SNX1: variants seen among roughly 807,000 people sequenced by gnomAD.
SNX1 encodes the protein sorting nexin-1.
Under a neutral mutation model 71.8 loss-of-function variants are expected in SNX1, and 36 were observed. That is an observed-to-expected ratio of 0.50 (90% CI 0.38 to 0.66). SNX1 has a LOEUF of 0.66. Ranked by LOEUF, SNX1 falls within the 30% of genes least tolerant of loss-of-function variation. SNX1 has a pLI of 0.00. For synonymous variants in SNX1, 254 were observed against 240.7 expected (o/e 1.06, Z -0.51); for missense variants, 612 against 646.7 (o/e 0.95, Z 0.58).
intron 1 of SNX1, 51 bp downstream of exon 1, chr15:64,096,223 A>G: frequency 6.5e-7 from 1 of 1,530,524 alleles, no homozygotes; most frequent in Non-Finnish European, 8.8e-7. Flanking sequence ...CCGAAAGGGA[A>G]GAGAGGCTAA....
chr15:64,127,787 A>T lies in SNX1; in HGVS notation c.788A>T (p.Glu263Val), dbSNP rs749331073. The change falls in exon 8 of 15, where the codon GAG (glutamate) becomes GTG (valine). Residue 263 changes from glutamate (E) to valine (V), a missense_variant. By Grantham distance (121) the Glu-to-Val change is moderately radical. Transcript: ENST00000559844. ...ATGTTACAGGACCCTGACGTCAGAG[A>T]GTTCTTGGAAAAAGAAGAGGTTAGT... is the stretch of plus-strand genomic sequence containing the variant. ...PTMLQDPDVR[E>V]FLEKEELPRA... The T allele has an allele frequency of 6.2e-7, 1 of 1,613,764 alleles. No homozygotes were observed. The highest frequency in any genetic ancestry group is 8.5e-7 in the Non-Finnish European group (1 of 1,179,664).
rs867424583 is a variant in SNX1 at position 64,140,984 on chromosome 15, G to A, written c.*3366G>A. 1 of 178 alleles carries A rather than the reference G, an allele frequency of 5.6e-3. No homozygotes were observed. Among genetic ancestry groups the A allele is most frequent in the Non-Finnish European group, 0.021 (1 of 48 alleles). 0.0% of individuals were successfully genotyped at this position (178 alleles called of 1,614,324 possible). A position where few individuals can be genotyped will look rare whatever the true frequency, so the allele number is the denominator to read the frequency against. ...CTCTCACCATACAGTGCAAAGAGAT[G>A]ATAGATAGATAGATAGATAGATAGA... On this transcript the variant is annotated 3_prime_UTR_variant, in exon 15 of 15. Coordinates refer to ENST00000559844, the MANE Select transcript of SNX1 (RefSeq NM_003099.5).
chr15:64,136,705 G>T (rs961275388), intron 13 of SNX1, among the ~76,000 whole-genome samples, 156 bp from the exon 14 acceptor site: 6 of 152,080 alleles, frequency 3.9e-5, no homozygotes, highest in Non-Finnish European at 7.4e-5. Context: ...GCCTTTCAAG[G>T]CCTTGGCAGA....
intron 1 of SNX1, among the ~76,000 whole-genome samples, chr15:64,106,713 G>A (rs780478055): frequency 1.3e-5 from 2 of 152,194 alleles, no homozygotes; most frequent in South Asian, 2.1e-4. Flanking sequence ...TGGAAGAGAC[G>A]CAAAGAGATG....
In SNX1 at chr15:64,118,831, G is replaced by T; in HGVS notation, c.443G>T (p.Gly148Val). ...EQEDQFDLTV[G>V]ITDPEKIGDG... Reference sequence around the variant, plus strand: ...GAGGATCAATTTGATTTGACAGTCGGTATAACTGATCCTGAGAAGATAGGT... The same window carrying T: ...GAGGATCAATTTGATTTGACAGTCGTTATAACTGATCCTGAGAAGATAGGT... The change falls in exon 4 of 15, where the codon GGT becomes GTT. Residue 148 changes from glycine to valine, a missense_variant. By Grantham distance (109) the Gly-to-Val change is moderately radical (BLOSUM62 -3). Around this residue, in one of 2 missense-constraint regions of SNX1, gnomAD observed 316 missense variants for 284.9 expected, o/e 1.11. Transcript: ENST00000559844. 6.2e-7 allele frequency: 1 copy of T among 1,613,366 alleles called. No individual in the cohort carries two copies. Among genetic ancestry groups the T allele is most frequent in the Non-Finnish European group, 8.5e-7 (1 of 1,179,516 alleles).
chr15:64,115,465 C>T, intron 2 of SNX1: 1 of 321,930 alleles, frequency 3.1e-6, no homozygotes, highest in Non-Finnish European at 6.0e-6. Flanking sequence ...TTTTCCAGTA[C>T]TCTTAACAGG....
At chr15:64,104,526 G>A (rs573394368) in intron 1 of SNX1, among the ~76,000 whole-genome samples, 2 of 152,070 alleles carry the variant, frequency 1.3e-5, no homozygotes, top group South Asian at 4.1e-4. Flanking sequence ...ACCCTCCCCA[G>A]CCTCCCAAAG....
At chr15:64,128,567 TG>T (rs1235682731) in intron 8 of SNX1, among the ~76,000 whole-genome samples, 5 of 152,248 alleles carry the variant, frequency 3.3e-5, no homozygotes, top group African/African-American at 1.2e-4. Context: ...GTATGTAGTA[TG>T]TGTTACTCCA....
In SNX1 at chr15:64,129,236, A is replaced by G. The variant is rs569155194; in HGVS notation, c.808-680A>G. Among the ~76,000 whole-genome samples, 11 of 151,898 alleles carry G rather than the reference A, an allele frequency of 7.2e-5. No homozygotes were observed. The highest frequency in any genetic ancestry group is 2.4e-4 in the African/African-American group (10 of 41,356). On this transcript the variant is annotated intron_variant, in intron 8 of 14. Coordinates refer to ENST00000559844, the MANE Select transcript of SNX1 (RefSeq NM_003099.5). This position sits in a 1 kb window ranked among gnomAD's most constrained non-coding sequence, Gnocchi z 4.4. ...CACTCCAGCCTGGGCGACAAGAGCA[A>G]GACTCCGTCTCAAAAAAAAAAAAAA... is the stretch of plus-strand genomic sequence containing the variant.
chr15:64,105,462 A>G (rs1379049960), intron 1 of SNX1, among the ~76,000 whole-genome samples: 1 of 152,230 alleles, frequency 6.6e-6, no homozygotes, highest in Non-Finnish European at 1.5e-5. Context: ...TGAGTAGTTG[A>G]TAGTTACTAG....
intron 1 of SNX1, among the ~76,000 whole-genome samples, chr15:64,103,336 C>T (rs1328575451): frequency 6.6e-6 from 1 of 152,090 alleles, no homozygotes; most frequent in Admixed American, 6.6e-5. Flanking sequence ...TATGAGTGTT[C>T]CCCTTTCTCC....
rs2081384976 is a variant in SNX1, at chr15:64,138,575, G to C, written c.*957G>C. On this transcript the variant is annotated 3_prime_UTR_variant, in exon 15 of 15. Transcript: ENST00000559844. The stretch of plus-strand genomic sequence containing the variant: ...AGCCATGCCCTCTGCCTCTAGATAG[G>C]GTGATCCAAGAGCTCCTGAACCTTA... 1 of 165,336 alleles carries C rather than the reference G, an allele frequency of 6.0e-6. No individual in the cohort carries two copies. Among genetic ancestry groups the C allele is most frequent in the Admixed American group, 5.9e-5 (1 of 17,094 alleles). 10.2% of individuals were successfully genotyped at this position (165,336 alleles called of 1,614,324 possible).
At chr15:64,130,395 C>A in intron 10 of SNX1, 74 bp downstream of exon 10, 1 of 1,188,826 alleles carries the variant, frequency 8.4e-7, no homozygotes. Flanking sequence ...CGAGGGCATG[C>A]TGTTCCAATC....
At chr15:64,120,526 T>C (rs1026396320) in intron 4 of SNX1, among the ~76,000 whole-genome samples, 5 of 151,966 alleles carry the variant, frequency 3.3e-5, no homozygotes, top group African/African-American at 1.2e-4. Context: ...AACTATTGAT[T>C]TTAGGCCAGG....
chr15:64,118,747 T>G (rs1337755080), intron 3 of SNX1, 41 bp from the exon 4 acceptor site: 1 of 1,494,778 alleles, frequency 6.7e-7, no homozygotes, highest in Non-Finnish European at 9.3e-7. Context: ...ATAGCTTTTT[T>G]TTTCATATCA....
chr15:64,127,383 A>G (rs1288567553), intron 7 of SNX1, 131 bp downstream of exon 7: 5 of 699,414 alleles, frequency 7.1e-6, no homozygotes, highest in South Asian at 1.9e-5. Context: ...ACACCTCCAT[A>G]TTATCTCTTA....
intron 13 of SNX1, 142 bp downstream of exon 13, chr15:64,136,552 G>T: frequency 1.4e-6 from 1 of 725,474 alleles, no homozygotes; most frequent in East Asian, 2.6e-5. Context: ...TTCTTTGGGG[G>T]GGTGTGTGCT....
intron 4 of SNX1, among the ~76,000 whole-genome samples, chr15:64,120,812 C>T (rs536585956): frequency 6.6e-6 from 1 of 152,096 alleles, no homozygotes; most frequent in Non-Finnish European, 1.5e-5. Flanking sequence ...CTGCACTCCA[C>T]GTTGGGTAAC....
intron 1 of SNX1, among the ~76,000 whole-genome samples, chr15:64,112,331 A>G (rs2081085301): frequency 6.6e-6 from 1 of 152,242 alleles, no homozygotes; most frequent in Non-Finnish European, 1.5e-5. Context: ...CCATGTTGGT[A>G]TCATGTGCTT....
Sources: allele counts gnomAD v4.1 joint callset (sites outside exome capture counted in the v4.1 genomes callset), GRCh38; gene constraint gnomAD v4.1.1; regional missense constraint gnomAD v4.1.1; non-coding constraint Gnocchi (gnomAD v3.1); transcripts MANE v1.5; gene names NCBI Gene and HGNC (gene_info 2026-07-23, HGNC 2026-07-21).